The following WWOX variants were observed in gnomAD, a reference collection of about 807,000 sequenced individuals.
The protein encoded by WWOX is WW domain containing oxidoreductase, also known as WW domain-containing oxidoreductase.
In WWOX, 69 loss-of-function variants were observed where a neutral mutation model predicts 46.2. The ratio of observed to expected loss-of-function variants is 1.49; its 90% CI spans 1.23 to 1.82. WWOX has a LOEUF of 1.82. Among genes scored for constraint, WWOX ranks in the 40% most tolerant of loss-of-function variants. WWOX has a pLI of 0.00. For missense variants in WWOX, 919 were observed against 542.6 expected (o/e 1.69, Z -6.89); for synonymous variants, 359 against 202.6 (o/e 1.77, Z -6.56).
At chr16:78,461,579 A>G (rs1225602543) in intron 8 of WWOX, among the ~76,000 whole-genome samples, 1 of 152,182 alleles carries the variant, frequency 6.6e-6, no homozygotes, top group Non-Finnish European at 1.5e-5. Flanking sequence ...GTGACAGGTA[A>G]GGCAGCCAGG....
rs115371078 is a variant in WWOX at position 78,591,069 on chromosome 16, G to C, written c.1056+158317G>C. 2.1e-3 allele frequency among the ~76,000 whole-genome samples: 323 copies of C among 152,310 alleles called. 1 individual carries two copies. The highest frequency in any genetic ancestry group is 7.6e-3 in the African/African-American group (314 of 41,572). Reference sequence around the variant, plus strand: ...GCCCTAGTCTGAAGTACAGAAGTCAGGTGGTGAGAGGTGACATGCCATGAT... The same window carrying C: ...GCCCTAGTCTGAAGTACAGAAGTCACGTGGTGAGAGGTGACATGCCATGAT... On this transcript the variant is annotated intron_variant, in intron 8 of 8. Coordinates refer to ENST00000566780, the MANE Select transcript of WWOX (RefSeq NM_016373.4).
chr16:79,042,622 G>C (rs895300425), intron 8 of WWOX, among the ~76,000 whole-genome samples: 1 of 152,142 alleles, frequency 6.6e-6, no homozygotes, highest in Non-Finnish European at 1.5e-5. Context: ...CATGCAAGCT[G>C]TTGGGCTCAA....
At position 78,269,632 on chromosome 16, in the gene WWOX, G is replaced by A. The variant is rs565906820; in HGVS notation, c.516+105343G>A. Among the ~76,000 whole-genome samples the A allele has an allele frequency of 1.4e-4, 21 of 152,308 alleles. No individual in the cohort carries two copies. The South Asian group carries it at 4.3e-3, about 32-fold the overall frequency. ...AAATTTATTAGCCAACTTCAAACCT[G>A]TTTGCCAGCTCACTAATGGAAGCCT... is the stretch of plus-strand genomic sequence containing the variant. On this transcript the variant is annotated intron_variant, in intron 5 of 8. Coordinates refer to ENST00000566780, the MANE Select transcript of WWOX (RefSeq NM_016373.4).
rs897448090 is a variant in WWOX at position 78,906,460 on chromosome 16, A to G, written c.1057-305148A>G. Among the ~76,000 whole-genome samples, 4 of 152,098 alleles carry G rather than the reference A, an allele frequency of 2.6e-5. No individual in the cohort carries two copies. The East Asian group carries it at 7.7e-4, about 29-fold the overall frequency. On this transcript the variant is annotated intron_variant, in intron 8 of 8. Transcript: ENST00000566780. ...AAATTCTCTTCCCAGGAGCCCTGTC[A>G]TCAGCAGGGAGTTTTCTGTCTTTGT... is the stretch of plus-strand genomic sequence containing the variant.
intron 5 of WWOX, among the ~76,000 whole-genome samples, chr16:78,378,453 A>G (rs2081880256): frequency 6.6e-6 from 1 of 152,208 alleles, no homozygotes; most frequent in Non-Finnish European, 1.5e-5. Flanking sequence ...TGCATTTTCC[A>G]GTGAAGATGC....
chr16:78,795,137 T>C (rs1295854186), intron 8 of WWOX, among the ~76,000 whole-genome samples: 1 of 152,176 alleles, frequency 6.6e-6, no homozygotes, highest in Non-Finnish European at 1.5e-5. Context: ...ATATTGATAA[T>C]GACAGCAAGA....
At chr16:78,736,296 G>T (rs2049090281) in intron 8 of WWOX, among the ~76,000 whole-genome samples, 1 of 152,170 alleles carries the variant, frequency 6.6e-6, no homozygotes, top group Non-Finnish European at 1.5e-5. Flanking sequence ...CTATCCTCAT[G>T]GGGACCTGTA....
chr16:78,914,662 G>C (rs1010308562), intron 8 of WWOX, among the ~76,000 whole-genome samples: 5 of 151,672 alleles, frequency 3.3e-5, no homozygotes, highest in African/African-American at 9.7e-5. Flanking sequence ...GGCAGATCAC[G>C]AGGTCAGGAG....
intron 8 of WWOX, among the ~76,000 whole-genome samples, chr16:78,882,640 A>G (rs149438892): frequency 0.012 from 1,778 of 151,794 alleles, 25 homozygotes; most frequent in Middle Eastern, 0.024. Context: ...GGTATGTGCT[A>G]CCGTGCCCAG....
intron 8 of WWOX, among the ~76,000 whole-genome samples, chr16:78,965,372 T>C (rs9927540): frequency 0.99 from 150,506 of 152,192 alleles, 74,445 homozygotes; most frequent in East Asian, 1. Context: ...AGTTCGAGAC[T>C]AGCCTGGTCA....
intron 5 of WWOX, among the ~76,000 whole-genome samples, chr16:78,382,284 A>G (rs1195296238): frequency 6.6e-6 from 1 of 152,178 alleles, no homozygotes; most frequent in Admixed American, 6.5e-5. Flanking sequence ...GAGCAGAAGC[A>G]ACACCAGTCA....
At chr16:78,262,751 C>G (rs1197491767) in intron 5 of WWOX, among the ~76,000 whole-genome samples, 1 of 152,132 alleles carries the variant, frequency 6.6e-6, no homozygotes, top group Admixed American at 6.5e-5. Context: ...TGACAGATAG[C>G]CCCTGGACTG....
At chr16:78,964,052 C>T (rs953901005) in intron 8 of WWOX, among the ~76,000 whole-genome samples, 1 of 152,162 alleles carries the variant, frequency 6.6e-6, no homozygotes. Context: ...AACTGTAAGC[C>T]TGATTAAACC....
intron 8 of WWOX, among the ~76,000 whole-genome samples, chr16:78,959,688 A>G (rs955983534): frequency 1.3e-5 from 2 of 152,208 alleles, no homozygotes; most frequent in East Asian, 1.9e-4. Flanking sequence ...AGGCTCAGAC[A>G]CTGATGAGAC....
At chr16:78,570,148 GC>G (rs369709344) in intron 8 of WWOX, among the ~76,000 whole-genome samples, 234 of 152,272 alleles carry the variant, frequency 1.5e-3, no homozygotes, top group African/African-American at 5.3e-3. Flanking sequence ...GGCCTTGTTT[GC>G]CTTTTTTAGA....
intron 8 of WWOX, among the ~76,000 whole-genome samples, chr16:78,754,033 C>G (rs958349692): frequency 3.3e-5 from 5 of 151,346 alleles, no homozygotes; most frequent in South Asian, 2.1e-4. Flanking sequence ...TTAATGTGAA[C>G]TCTTGTAATT....
intron 8 of WWOX, among the ~76,000 whole-genome samples, chr16:78,774,585 T>C (rs1046237098): frequency 2.6e-5 from 4 of 151,612 alleles, no homozygotes; most frequent in African/African-American, 9.7e-5. Context: ...CCCACACATA[T>C]GCACATAAGA....
intron 5 of WWOX, among the ~76,000 whole-genome samples, chr16:78,325,155 C>T (rs1399636264): frequency 6.6e-6 from 1 of 152,184 alleles, no homozygotes; most frequent in Non-Finnish European, 1.5e-5. Context: ...AGGCACTGCT[C>T]AGAGGAACTG....
chr16:78,801,418 A>G (rs2050885350), intron 8 of WWOX, among the ~76,000 whole-genome samples: 1 of 152,168 alleles, frequency 6.6e-6, no homozygotes, highest in Non-Finnish European at 1.5e-5. Flanking sequence ...CTGAGGCAGG[A>G]AGGTCACTTG....
Sources: gnomAD v4.1 joint callset for allele counts (sites outside exome capture counted in the v4.1 genomes callset) on GRCh38, gnomAD v4.1.1 for gene constraint, MANE v1.5 for transcripts, NCBI Gene and HGNC (gene_info 2026-07-23, HGNC 2026-07-21) for gene names.